Variants in CASK observed in about 807,000 individuals in gnomAD.
CASK encodes the protein peripheral plasma membrane protein CASK.
Under a neutral mutation model 82.9 loss-of-function variants are expected in CASK, and 4 were observed. That is an observed-to-expected ratio of 0.05 (90% CI 0.02 to 0.11). The LOEUF is 0.11. Among genes scored for constraint, CASK ranks in the 10% least tolerant of loss-of-function variants. The pLI, the probability that CASK is intolerant of heterozygous loss-of-function variation, is 1.00. For missense variants in CASK, 358 were observed against 720.9 expected, an observed-to-expected ratio of 0.50 and a Z score of 5.76; for synonymous variants, 259 against 253.5, an observed-to-expected ratio of 1.02 and a Z score of -0.20.
chrX:41,799,120 A>T (rs756779115), intron 2 of CASK, among the ~76,000 whole-genome samples: 1 of 112,777 alleles, frequency 8.9e-6, no homozygotes, highest in South Asian at 3.6e-4. Context: ...CCTTTCAAAA[A>T]AATCTTAGGT....
intron 2 of CASK, among the ~76,000 whole-genome samples, chrX:41,819,141 C>T (rs1298167274): frequency 9.0e-6 from 1 of 111,045 alleles, no homozygotes; most frequent in Non-Finnish European, 1.9e-5. Context: ...AAATAATAAA[C>T]CTCTAGCTAA....
intron 21 of CASK, among the ~76,000 whole-genome samples, chrX:41,553,321 C>A (rs2065123002): frequency 8.9e-6 from 1 of 111,854 alleles, no homozygotes; most frequent in Non-Finnish European, 1.9e-5. Flanking sequence ...ACTGCACCTA[C>A]ATTTTTTGCT....
At chrX:41,750,704 T>C (rs1282301962) in intron 3 of CASK, among the ~76,000 whole-genome samples, 1 of 112,262 alleles carries the variant, frequency 8.9e-6, no homozygotes, top group African/African-American at 3.2e-5. Context: ...TAAGAAATTA[T>C]CCAAAACCAA....
At chrX:41,798,512 G>C (rs950429297) in intron 2 of CASK, among the ~76,000 whole-genome samples, 8 of 112,814 alleles carry the variant, frequency 7.1e-5, no homozygotes, top group Non-Finnish European at 1.1e-4. Context: ...TGAATAGACA[G>C]AGAGCAGTTA....
chrX:41,693,249 A>G (rs2067610606), intron 5 of CASK, among the ~76,000 whole-genome samples: 1 of 111,081 alleles, frequency 9.0e-6, no homozygotes, highest in Non-Finnish European at 1.9e-5. Flanking sequence ...TTTCCTGGTA[A>G]TGCAGGTTGC....
chrX:41,901,365 AGGCTGAGGCAGTAGGATT>A (rs2072376721), intron 1 of CASK, among the ~76,000 whole-genome samples: 1 of 110,428 alleles, frequency 9.1e-6, no homozygotes, highest in South Asian at 3.9e-4. Flanking sequence ...GCTACTCAGG[AGGCTGAGGCAGTAGGATT>A]GGCTGAGGCA....
intron 5 of CASK, chrX:41,727,547 A>T: frequency 8.3e-7 from 1 of 1,206,390 alleles, no homozygotes; most frequent in Non-Finnish European, 1.1e-6. Flanking sequence ...ACCGTATACT[A>T]CTCAGTCATA....
chrX:41,685,191 T>G (rs2067421812), intron 5 of CASK, among the ~76,000 whole-genome samples: 1 of 112,064 alleles, frequency 8.9e-6, no homozygotes, highest in Non-Finnish European at 1.9e-5. Flanking sequence ...TTCATTTGTT[T>G]CAACTAGATT....
At chrX:41,803,023 C>T (rs1336191057) in intron 2 of CASK, among the ~76,000 whole-genome samples, 3 of 110,160 alleles carry the variant, frequency 2.7e-5, no homozygotes, top group African/African-American at 9.9e-5. Flanking sequence ...AAGAAGGAAG[C>T]CAAAAAAACC....
At chrX:41,808,466 C>T (rs1296659376) in intron 2 of CASK, among the ~76,000 whole-genome samples, 3 of 111,960 alleles carry the variant, frequency 2.7e-5, no homozygotes, top group Non-Finnish European at 5.6e-5. Context: ...CACTGAAATG[C>T]TAAATAAATG....
intron 17 of CASK, 33 bp downstream of exon 17, chrX:41,561,526 A>G: frequency 1.9e-6 from 2 of 1,033,195 alleles, no homozygotes; most frequent in South Asian, 3.8e-5. Flanking sequence ...GTAAAAGTCA[A>G]TTTTAGGAAA....
intron 2 of CASK, among the ~76,000 whole-genome samples, chrX:41,811,958 C>T (rs1391057278): frequency 8.9e-6 from 1 of 111,804 alleles, no homozygotes; most frequent in Non-Finnish European, 1.9e-5. Flanking sequence ...ATACTATAAA[C>T]ACCTCTATGC....
At chrX:41,869,225 T>A (rs1303228234) in intron 1 of CASK, among the ~76,000 whole-genome samples, 1 of 111,159 alleles carries the variant, frequency 9.0e-6, no homozygotes, top group Non-Finnish European at 1.9e-5. Context: ...AATGAGTGAG[T>A]GAATACCTAC....
intron 2 of CASK, among the ~76,000 whole-genome samples, chrX:41,806,062 G>A (rs5918249): frequency 0.17 from 18,899 of 111,015 alleles, 1,444 homozygotes; most frequent in Middle Eastern, 0.3. Context: ...AGAAATATTG[G>A]AGAAGAGTAC....
At chrX:41,612,758 G>C (rs1469928683) in intron 11 of CASK, among the ~76,000 whole-genome samples, 3 of 96,482 alleles carry the variant, frequency 3.1e-5, no homozygotes, top group Admixed American at 2.1e-4. Flanking sequence ...AGGTGGGGGG[G>C]GGTCAACCCC....
At chrX:41,854,743 C>T (rs1190634294) in intron 1 of CASK, among the ~76,000 whole-genome samples, 2 of 112,263 alleles carry the variant, frequency 1.8e-5, no homozygotes, top group African/African-American at 6.5e-5. Flanking sequence ...CCTAAAAAAG[C>T]TAACCTGGGA....
chrX:41,767,189 T>C (rs187688297), intron 3 of CASK, among the ~76,000 whole-genome samples: 108 of 111,964 alleles, frequency 9.6e-4, no homozygotes, highest in African/African-American at 3.0e-3. Flanking sequence ...TTCTGAACTG[T>C]ATGGGTCCAC....
chrX:41,726,718 A>G (rs1203782564), intron 5 of CASK: 1 of 164,532 alleles, frequency 6.1e-6, no homozygotes, highest in African/African-American at 3.0e-5. Context: ...CATTTCTCTA[A>G]GTAAAATTAT....
intron 1 of CASK, among the ~76,000 whole-genome samples, chrX:41,885,769 A>G (rs2072037127): frequency 8.9e-6 from 1 of 111,953 alleles, no homozygotes; most frequent in Admixed American, 9.5e-5. Flanking sequence ...ATAACGGACC[A>G]GGGTGGAGGG....
Sources: gnomAD v4.1 joint callset for allele counts (sites outside exome capture counted in the v4.1 genomes callset) on GRCh38, gnomAD v4.1.1 for gene constraint, MANE v1.5 for transcripts, NCBI Gene and HGNC (gene_info 2026-07-23, HGNC 2026-07-21) for gene names.